Variants in SENP8 observed in about 807,000 individuals in gnomAD.
SENP8 encodes SUMO peptidase family member, NEDD8 specific.
Under a neutral mutation model 14.4 loss-of-function variants are expected in SENP8, and 10 were observed. The ratio of observed to expected loss-of-function variants is 0.69; its 90% CI spans 0.43 to 1.18. SENP8 has a LOEUF of 1.18. SENP8 is among the 50% of genes most tolerant of loss of function. The probability of loss-of-function intolerance (pLI) is 0.00; values close to 1 mark genes in which losing one functional copy is unlikely to be tolerated. For synonymous variants in SENP8, 94 were observed against 95.5 expected, an observed-to-expected ratio of 0.98 and a Z score of 0.09; for missense variants, 202 against 249.4, an observed-to-expected ratio of 0.81 and a Z score of 1.28.
chr15:72,140,134 A>C lies in SENP8; in HGVS notation c.511A>C (p.Thr171Pro), dbSNP rs2081366851. The part of the protein sequence containing the change: ...YDCGMYVICN[T>P]EALCQNFFRQ... ...CTGTGGGATGTACGTGATATGTAAC[A>C]CTGAGGCCTTGTGTCAGAACTTCTT... Residue 171 changes from threonine to proline, a missense_variant, in exon 2 of 2, where the codon ACT (threonine) becomes CCT (proline). By Grantham distance (38) the Thr-to-Pro change is conservative. Transcript: ENST00000340912. 1.9e-6 allele frequency: 3 copies of C among 1,614,044 alleles called. No homozygotes were observed.
intron 1 of SENP8, among the ~76,000 whole-genome samples, chr15:72,122,852 T>G (rs913448246): frequency 6.6e-6 from 1 of 152,226 alleles, no homozygotes; most frequent in Non-Finnish European, 1.5e-5. Flanking sequence ...ATTAAATGGC[T>G]TACTCCACAA....
At position 72,125,104 on chromosome 15, in the gene SENP8, G is replaced by T. The variant is rs186302733; in HGVS notation, c.-48+6640G>T. Reference sequence around the variant, plus strand: ...CAAATACTGCCATGGTGAATATCTTGTTGAATTTTTGCACACATTGTTAAT... The same window carrying T: ...CAAATACTGCCATGGTGAATATCTTTTTGAATTTTTGCACACATTGTTAAT... On this transcript the variant is annotated intron_variant, in intron 1 of 1. Coordinates refer to ENST00000340912, the MANE Select transcript of SENP8 (RefSeq NM_145204.4). Among the ~76,000 whole-genome samples, 4 of 152,096 alleles carry T rather than the reference G, an allele frequency of 2.6e-5. No individual in the cohort carries two copies. In the East Asian group the frequency reaches 7.7e-4, roughly 29 times the overall value.
At chr15:72,131,714 C>T (rs774309840) in intron 1 of SENP8, among the ~76,000 whole-genome samples, 7 of 152,174 alleles carry the variant, frequency 4.6e-5, no homozygotes, top group African/African-American at 7.2e-5. Context: ...TGTATACTGA[C>T]AACACATTAA....
intron 1 of SENP8, among the ~76,000 whole-genome samples, chr15:72,132,674 T>A (rs934111727): frequency 4.7e-5 from 7 of 149,434 alleles, no homozygotes; most frequent in African/African-American, 7.4e-5. Flanking sequence ...TTTTTTTTTT[T>A]AAACAGAGTC....
intron 1 of SENP8, among the ~76,000 whole-genome samples, chr15:72,136,880 G>GCTA (rs1192649123): frequency 6.6e-6 from 1 of 152,186 alleles, no homozygotes; most frequent in Non-Finnish European, 1.5e-5. Flanking sequence ...CTGCATAACA[G>GCTA]CTAACTCTCT....
chr15:72,139,996 A>G lies in SENP8; in HGVS notation c.373A>G (p.Asn125Asp). 3 of 1,614,256 alleles carry G rather than the reference A, an allele frequency of 1.9e-6. No homozygotes were observed. Among genetic ancestry groups the G allele is most frequent in the Non-Finnish European group, 2.5e-6 (3 of 1,180,050 alleles). The change falls in exon 2 of 2, where the codon AAC becomes GAC. Residue 125 changes from asparagine to aspartate, a missense_variant. Physicochemically the swap from Asn to Asp is conservative, Grantham distance 23. Transcript: ENST00000340912. ...FFHYDSHSRS[N>D]SVHAKQVAEK... ...TCATTATGATTCCCATAGCAGGAGC[A>G]ACTCAGTTCACGCAAAGCAGGTAGC...
At chr15:72,125,381 G>A (rs2081206882) in intron 1 of SENP8, among the ~76,000 whole-genome samples, 1 of 152,034 alleles carries the variant, frequency 6.6e-6, no homozygotes, top group Admixed American at 6.5e-5. Context: ...TTACTACTCT[G>A]ATGTCCAGTG....
At chr15:72,133,962 T>C (rs1487005594) in intron 1 of SENP8, among the ~76,000 whole-genome samples, 1 of 152,180 alleles carries the variant, frequency 6.6e-6, no homozygotes, top group East Asian at 1.9e-4. Flanking sequence ...GGGGTTTTGT[T>C]TTTTTGGATG....
rs375627078 is a variant in SENP8 at position 72,139,633 on chromosome 15, G to C, written c.10G>C (p.Val4Leu). ...CCCTCGTCAGTACAAGATGGACCCC[G>C]TAGTCTTGAGTTACATGGACAGTCT... MDPVVLSYMDSLLR... is the reference protein window; with the variant it reads MDPLVLSYMDSLLR... The change falls in exon 2 of 2, where the codon GTA becomes CTA. Residue 4 changes from valine (V) to leucine (L), a missense_variant. Physicochemically the swap from Val to Leu is conservative, Grantham distance 32. Coordinates refer to ENST00000340912, the MANE Select transcript of SENP8 (RefSeq NM_145204.4). The C allele has an allele frequency of 1.9e-6, 3 of 1,613,424 alleles. No individual in the cohort carries two copies. The highest frequency in any genetic ancestry group is 2.5e-6 in the Non-Finnish European group (3 of 1,179,648).
In SENP8 at chr15:72,140,380, T is replaced by A; in HGVS notation, c.*118T>A. 1.4e-6 allele frequency: 1 copy of A among 709,164 alleles called. No individual in the cohort carries two copies. The highest frequency in any genetic ancestry group is 1.9e-5 in the South Asian group (1 of 53,376). 43.9% of individuals were successfully genotyped at this position (709,164 alleles called of 1,614,324 possible). On this transcript the variant is annotated 3_prime_UTR_variant, in exon 2 of 2. Transcript: ENST00000340912. ...CCTAGTAGAGGAAAGCTTAATACTC[T>A]TTTTCCTGAAAGAATATCATCCTCT...
At chr15:72,123,272 GC>G (rs1250680523) in intron 1 of SENP8, among the ~76,000 whole-genome samples, 1 of 152,170 alleles carries the variant, frequency 6.6e-6, no homozygotes, top group African/African-American at 2.4e-5. Context: ...GTAAATCATG[GC>G]TTTAACCACT....
At chr15:72,120,496 TTTAGA>T (rs1307121869) in intron 1 of SENP8, among the ~76,000 whole-genome samples, 22 of 152,064 alleles carry the variant, frequency 1.4e-4, no homozygotes, top group Admixed American at 1.4e-3. Context: ...TGGTGAAGAG[TTTAGA>T]TTATATTACT....
chr15:72,124,851 T>C (rs375631548), intron 1 of SENP8, among the ~76,000 whole-genome samples: 1 of 152,184 alleles, frequency 6.6e-6, no homozygotes, highest in African/African-American at 2.4e-5. Flanking sequence ...ATCCTATTTC[T>C]TAAAATGATA....
intron 1 of SENP8, among the ~76,000 whole-genome samples, chr15:72,126,316 AT>A (rs2081218669): frequency 1.3e-5 from 2 of 152,240 alleles, no homozygotes; most frequent in East Asian, 3.9e-4. Flanking sequence ...TGTATTGAAC[AT>A]TTTGCAGATA....
At chr15:72,136,833 G>A (rs2081332127) in intron 1 of SENP8, among the ~76,000 whole-genome samples, 1 of 152,150 alleles carries the variant, frequency 6.6e-6, no homozygotes, top group South Asian at 2.1e-4. Flanking sequence ...GTTTATTGCT[G>A]TGTGATTTTC....
At chr15:72,115,576 C>T (rs1211194050), upstream of SENP8, among the ~76,000 whole-genome samples, 2 of 152,216 alleles carry the variant, frequency 1.3e-5, no homozygotes, top group African/African-American at 4.8e-5. Flanking sequence ...CACCATTTGC[C>T]TGGATAACCC....
At chr15:72,128,119 GGA>G (rs554570865) in intron 1 of SENP8, among the ~76,000 whole-genome samples, 78 of 151,706 alleles carry the variant, frequency 5.1e-4, no homozygotes, top group Middle Eastern at 3.4e-3. Flanking sequence ...AGGGGAGAGG[GGA>G]GAGAGGGAGG....
In SENP8 at chr15:72,139,630, C is replaced by T. The variant is rs868637651; in HGVS notation, c.7C>T (p.Pro3Ser). 1 of 1,613,096 alleles carries T rather than the reference C, an allele frequency of 6.2e-7. No homozygotes were observed. Among genetic ancestry groups the T allele is most frequent in the Admixed American group, 1.7e-5 (1 of 59,966 alleles). The change falls in exon 2 of 2, where the codon CCC (proline) becomes TCC (serine). Residue 3 changes from proline to serine, a missense_variant. Pro to Ser is a moderately conservative substitution (Grantham distance 74). Transcript: ENST00000340912. ...CAGCCCTCGTCAGTACAAGATGGAC[C>T]CCGTAGTCTTGAGTTACATGGACAG... is the stretch of plus-strand genomic sequence containing the variant. MD[P>S]VVLSYMDSLL...
rs1241965487 is a variant in SENP8 at position 72,139,647 on chromosome 15, C to G, written c.24C>G (p.Tyr8Ter). The change falls in exon 2 of 2, where the codon TAC (tyrosine) becomes TAG (stop). Residue 8 changes from tyrosine (Y) to a stop codon, truncating the protein, a stop_gained. Transcript: ENST00000340912. LOFTEE classifies it high-confidence loss of function. ...AGATGGACCCCGTAGTCTTGAGTTA[C>G]ATGGACAGTCTACTGCGGCAATCAG... MDPVVLS[Y>*]MDSLLRQSDV... 1 of 1,614,044 alleles carries G rather than the reference C, an allele frequency of 6.2e-7. No individual in the cohort carries two copies. Among genetic ancestry groups the G allele is most frequent in the Non-Finnish European group, 8.5e-7 (1 of 1,179,902 alleles).
Sources: allele counts gnomAD v4.1 joint callset (sites outside exome capture counted in the v4.1 genomes callset), GRCh38; gene constraint gnomAD v4.1.1; transcripts MANE v1.5; gene names NCBI Gene and HGNC (gene_info 2026-07-23, HGNC 2026-07-21).